PTPRS: variants seen among roughly 807,000 people sequenced by gnomAD.
The protein encoded by PTPRS is receptor-type tyrosine-protein phosphatase S.
A neutral mutation model predicts 215.3 loss-of-function variants in PTPRS; 63 were observed. The observed-to-expected ratio is 0.29, with a 90% CI of 0.24 to 0.36. The LOEUF (loss-of-function observed/expected upper bound fraction) is 0.36, where lower values mean the gene tolerates loss of function less well. Ranked by LOEUF, PTPRS falls within the 10% of genes least tolerant of loss-of-function variation. PTPRS has a pLI of 1.00. For missense variants in PTPRS, 2,258 were observed against 2,825.8 expected, an observed-to-expected ratio of 0.80 and a Z score of 4.56; for synonymous variants, 1,404 against 1,191.4, an observed-to-expected ratio of 1.18 and a Z score of -3.68.
rs1365176046 is a variant in PTPRS at position 5,293,718 on chromosome 19, C to G, written c.-94-7484G>C. Among the ~76,000 whole-genome samples the G allele has an allele frequency of 6.6e-6, 1 of 152,152 alleles. No homozygotes were observed. The highest frequency in any genetic ancestry group is 2.4e-5 in the African/African-American group (1 of 41,456). Reference sequence around the variant, plus strand: ...GCACGGTGATGGGGGCGGGGGGCGTCCCCTCTTCCCCCTCTTAGACCAGAG... The same window carrying G: ...GCACGGTGATGGGGGCGGGGGGCGTGCCCTCTTCCCCCTCTTAGACCAGAG... On this transcript the variant is annotated intron_variant, in intron 1 of 37. Transcript: ENST00000262963. The surrounding 1 kb of genome is among the most constrained non-coding windows in gnomAD (Gnocchi z 8.4).
At position 5,218,513 on chromosome 19, in the gene PTPRS, G is replaced by A. The variant is rs1052009018; in HGVS notation, c.3955C>T (p.Pro1319Ser). Residue 1319 changes from proline to serine, a missense_variant, in exon 25 of 38, where the codon CCC (proline) becomes TCC (serine). Pro to Ser is a moderately conservative substitution (Grantham distance 74, BLOSUM62 -1). Transcript: ENST00000262963. ...TTGTTCAGGAGGCATTTGGTGCGGG[G>A]TTCTGAGTCCTTGCGTTTACTTTAG... ...KPDSKRKDSE[P>S]RTKCLLNNAD... The A allele has an allele frequency of 6.2e-7, 1 of 1,614,048 alleles. No individual in the cohort carries two copies. The highest frequency in any genetic ancestry group is 8.5e-7 in the Non-Finnish European group (1 of 1,180,042).
At chr19:5,305,765 ATTTT>A (rs144512818) in intron 1 of PTPRS, among the ~76,000 whole-genome samples, 11 of 93,384 alleles carry the variant, frequency 1.2e-4, no homozygotes, top group Non-Finnish European at 1.7e-4. Context: ...ATATATATAT[ATTTT>A]TTTTTTAAAG....
At chr19:5,220,222 T>G in intron 21 of PTPRS, 38 bp downstream of exon 21, 2 of 1,610,186 alleles carry the variant, frequency 1.2e-6, no homozygotes, top group Non-Finnish European at 1.7e-6. Context: ...AAAACTGGAA[T>G]GCATCTGGGC....
chr19:5,210,860 T>G lies in PTPRS; in HGVS notation c.5235-55A>C. The G allele has an allele frequency of 6.3e-7, 1 of 1,583,564 alleles. No individual in the cohort carries two copies. The highest frequency in any genetic ancestry group is 8.6e-7 in the Non-Finnish European group (1 of 1,168,478). ...CCGGCAGGGAGACCCGGCGTGGTAC[T>G]CACCTGATGCTGCCCGGGAGGGTCA... is the stretch of plus-strand genomic sequence containing the variant. On this transcript the variant is annotated intron_variant, in intron 33 of 37. Coordinates refer to ENST00000262963, the MANE Select transcript of PTPRS (RefSeq NM_002850.4). This position sits in a 1 kb window ranked among gnomAD's most constrained non-coding sequence, Gnocchi z 4.5.
In PTPRS at chr19:5,287,066, C is replaced by T. The variant is rs1368364629; in HGVS notation, c.-94-832G>A. On this transcript the variant is annotated intron_variant, in intron 1 of 37. Transcript: ENST00000262963. This position sits in a 1 kb window ranked among gnomAD's most constrained non-coding sequence, Gnocchi z 4.8. ...CCCTGCTCTAAGACCTCCCATGGCT[C>T]CCAGAGCCCCCAGGGGAAGCCACTC... Among the ~76,000 whole-genome samples the T allele has an allele frequency of 6.6e-6, 1 of 152,182 alleles. No homozygotes were observed. The highest frequency in any genetic ancestry group is 1.5e-5 in the Non-Finnish European group (1 of 68,024).
intron 9 of PTPRS, among the ~76,000 whole-genome samples, chr19:5,252,346 G>A (rs1432215809): frequency 2.0e-5 from 3 of 152,116 alleles, no homozygotes; most frequent in Admixed American, 1.3e-4. Context: ...GGAGGCTGAG[G>A]TGGGTGAATC....
In PTPRS at chr19:5,251,432, T is replaced by C. The variant is rs1222075819; in HGVS notation, c.718+4676A>G. ...ACCTTTGGATGCGCTCTAGATACTT[T>C]TTTTTTTTTTTTTGGTACCCGCTCT... is the stretch of plus-strand genomic sequence containing the variant. On this transcript the variant is annotated intron_variant, in intron 9 of 37. Coordinates refer to ENST00000262963, the MANE Select transcript of PTPRS (RefSeq NM_002850.4). 4.7e-5 allele frequency among the ~76,000 whole-genome samples: 7 copies of C among 150,200 alleles called. No individual in the cohort carries two copies. The East Asian group carries it at 1.4e-3, about 29-fold the overall frequency.
chr19:5,218,637 C>G, intron 24 of PTPRS, 105 bp from the exon 25 acceptor site: 2 of 1,514,298 alleles, frequency 1.3e-6, no homozygotes, highest in South Asian at 1.1e-5. Flanking sequence ...ACCATGGACC[C>G]GTATGACTAG....
In PTPRS at chr19:5,257,543, TA is replaced by T. The variant is rs567302693; in HGVS notation, c.706+473del. On this transcript the variant is annotated intron_variant, in intron 8 of 37. Coordinates refer to ENST00000262963, the MANE Select transcript of PTPRS (RefSeq NM_002850.4). This position sits in a 1 kb window ranked among gnomAD's most constrained non-coding sequence, Gnocchi z 4.4. ...AACTTCTAGATTGAGGGCCCTGGAT[TA>T]GGGGGGGCAGTGAAGCGGGGAGCTA... 445 of 438,466 alleles carry T rather than the reference TA, an allele frequency of 1.0e-3. 7 individuals are homozygous for T. Among genetic ancestry groups the T allele is most frequent in the African/African-American group, 7.4e-3 (363 of 49,162 alleles). The allele number at this position is 438,466 out of a possible 1,614,324, so 27.2% of individuals were successfully genotyped here.
intron 1 of PTPRS, among the ~76,000 whole-genome samples, chr19:5,310,052 C>T (rs2049644594): frequency 6.6e-6 from 1 of 152,168 alleles, no homozygotes; most frequent in Admixed American, 6.5e-5. Flanking sequence ...CTGCTCTCCC[C>T]TCCCCTCCTC....
At chr19:5,246,155 G>T (rs1388931257) in intron 9 of PTPRS, 110 bp from the exon 10 acceptor site, 1 of 532,586 alleles carries the variant, frequency 1.9e-6, no homozygotes, top group Non-Finnish European at 2.9e-6. Flanking sequence ...CAGGAAGGAA[G>T]AAAGAAAGAA....
Position 5,285,694 on chromosome 19 carries a change from G to A in PTPRS, c.91+356C>T, listed in dbSNP as rs575596363. 3.9e-5 allele frequency among the ~76,000 whole-genome samples: 6 copies of A among 152,330 alleles called. No homozygotes were observed. In the South Asian group the frequency reaches 6.2e-4, roughly 16 times the overall value. On this transcript the variant is annotated intron_variant, in intron 2 of 37. Coordinates refer to ENST00000262963, the MANE Select transcript of PTPRS (RefSeq NM_002850.4). ...GCCTCGTTTTCCCTCATTGGGAAAC[G>A]TGGAAGGTAACAGAACTGGCACACT...
Position 5,220,377 on chromosome 19 carries a change from A to ACT in PTPRS, c.3456-25_3456-24insAG, listed in dbSNP as rs1204463607. ...TCCTGTAGGGAGATGGGAAAGAGTC[A>ACT]GAGGGGCTGTCGATAGGGATGACCA... On this transcript the variant is annotated intron_variant, in intron 20 of 37. Coordinates refer to ENST00000262963, the MANE Select transcript of PTPRS (RefSeq NM_002850.4). 5.6e-6 allele frequency: 9 copies of ACT among 1,594,078 alleles called. No homozygotes were observed. The African/African-American group carries it at 1.2e-4, about 21-fold the overall frequency.
chr19:5,240,142 T>C (rs986204900), intron 12 of PTPRS, 57 bp downstream of exon 12: 1 of 1,439,526 alleles, frequency 6.9e-7, no homozygotes, highest in Non-Finnish European at 9.2e-7. Context: ...GCGGGCAGCG[T>C]CAGAGAGCGC....
At chr19:5,289,362 T>C (rs2048624106) in intron 1 of PTPRS, among the ~76,000 whole-genome samples, 2 of 152,302 alleles carry the variant, frequency 1.3e-5, no homozygotes, top group Admixed American at 6.5e-5. Context: ...TGGACAGATG[T>C]CGTCACCTCC....
Position 5,222,145 on chromosome 19 carries a change from T to C in PTPRS, c.3179A>G (p.Tyr1060Cys). The change falls in exon 19 of 38, where the codon TAC (tyrosine) becomes TGC (cysteine). Residue 1060 changes from tyrosine to cysteine, a missense_variant. This residue lies in a region of PTPRS where 361 missense variants were observed against 332.6 expected (regional missense o/e 1.09). Transcript: ENST00000262963. Reference sequence around the variant, plus strand: ...CACCTTGTAGGGTGTGGGTGAGTTGTAGTTGTCAGGGAACTCCCAGCTGAG... The same window carrying C: ...CACCTTGTAGGGTGTGGGTGAGTTGCAGTTGTCAGGGAACTCCCAGCTGAG... ...VLLSWEFPDNYNSPTPYKIQY... is the reference protein window; with the variant it reads ...VLLSWEFPDNCNSPTPYKIQY... 6.2e-7 allele frequency: 1 copy of C among 1,613,712 alleles called. No individual in the cohort carries two copies. Among genetic ancestry groups the C allele is most frequent in the Non-Finnish European group, 8.5e-7 (1 of 1,179,794 alleles).
chr19:5,333,893 G>A (rs745739471), intron 1 of PTPRS, among the ~76,000 whole-genome samples: 4 of 152,144 alleles, frequency 2.6e-5, no homozygotes, highest in Non-Finnish European at 5.9e-5. Context: ...ATGCTCGCTC[G>A]CACACCATGC....
intron 11 of PTPRS, among the ~76,000 whole-genome samples, chr19:5,241,655 C>T (rs1267704437): frequency 6.6e-6 from 1 of 152,000 alleles, no homozygotes; most frequent in Non-Finnish European, 1.5e-5. Flanking sequence ...TGCCAACCGT[C>T]CCGGCCCTTT....
intron 5 of PTPRS, among the ~76,000 whole-genome samples, chr19:5,264,664 C>T (rs1259675829): frequency 6.6e-6 from 1 of 152,188 alleles, no homozygotes; most frequent in Non-Finnish European, 1.5e-5. Flanking sequence ...GCTGTGATCT[C>T]ACTGCCTGAG....
Sources: gnomAD v4.1 joint callset for allele counts (sites outside exome capture counted in the v4.1 genomes callset) on GRCh38, gnomAD v4.1.1 for gene constraint, gnomAD v4.1.1 regional missense constraint, Gnocchi (gnomAD v3.1) non-coding constraint, MANE v1.5 for transcripts, NCBI Gene and HGNC (gene_info 2026-07-23, HGNC 2026-07-21) for gene names.